KANK1: variants seen among roughly 807,000 people sequenced by gnomAD.
The protein encoded by KANK1 is KN motif and ankyrin repeat domains 1.
KANK1 carries 109 observed loss-of-function variants against 106.2 expected under a neutral mutation model. The observed-to-expected ratio is 1.03, with a 90% CI of 0.88 to 1.20. The LOEUF is 1.20. Ranked by LOEUF, KANK1 falls within the 50% of genes most tolerant of loss-of-function variation. KANK1 has a pLI of 0.00. For missense variants in KANK1, 2,399 were observed against 1,710.7 expected, an observed-to-expected ratio of 1.40 and a Z score of -7.10; for synonymous variants, 873 against 652.2, an observed-to-expected ratio of 1.34 and a Z score of -5.16.
chr9:582,440 C>G (rs765354819), intron 1 of KANK1, among the ~76,000 whole-genome samples: 1 of 152,076 alleles, frequency 6.6e-6, no homozygotes, highest in Non-Finnish European at 1.5e-5. Flanking sequence ...AATGGGTAGT[C>G]TAGTTCTGTT....
chr9:482,749 A>G (rs573742741), intron 3 of KANK1, among the ~76,000 whole-genome samples: 1 of 152,248 alleles, frequency 6.6e-6, no homozygotes. Context: ...TCTGCCAAAC[A>G]ATACACGCAT....
chr9:522,044 A>C (rs1009540616), intron 1 of KANK1, among the ~76,000 whole-genome samples: 6 of 151,642 alleles, frequency 4.0e-5, no homozygotes, highest in Non-Finnish European at 8.8e-5. Flanking sequence ...GTATTAGAAA[A>C]TGTTGGCACA....
At chr9:718,518 C>G (rs1376883341) in intron 3 of KANK1, among the ~76,000 whole-genome samples, 1 of 151,962 alleles carries the variant, frequency 6.6e-6, no homozygotes, top group Non-Finnish European at 1.5e-5. Context: ...CCATGTTGCC[C>G]AGGCTGGTCT....
chr9:536,529 G>A lies in KANK1; in HGVS notation c.-84+31775G>A, dbSNP rs151237522. Among the ~76,000 whole-genome samples the A allele has an allele frequency of 9.5e-4, 145 of 152,178 alleles. 3 individuals are homozygous for A. Among genetic ancestry groups the A allele is most frequent in the African/African-American group, 3.3e-3 (137 of 41,508 alleles). On this transcript the variant is annotated intron_variant, in intron 1 of 11. Coordinates refer to ENST00000382297, the MANE Select transcript of KANK1 (RefSeq NM_015158.5). ...GCCTGTATTCCTTGGCTTGTGACCC[G>A]TTTCTTCATCTTCAAAGCCACCACT...
chr9:708,752 G>GTT (rs771124525), intron 2 of KANK1, among the ~76,000 whole-genome samples: 9 of 152,108 alleles, frequency 5.9e-5, no homozygotes, highest in Non-Finnish European at 8.8e-5. Flanking sequence ...AGTCAAGTGG[G>GTT]TTTGTATACT....
At chr9:674,828 C>T (rs182442779) in intron 1 of KANK1, among the ~76,000 whole-genome samples, 2 of 151,958 alleles carry the variant, frequency 1.3e-5, no homozygotes, top group East Asian at 1.9e-4. Context: ...CTCAGCCTCC[C>T]GAGTAGCTGG....
intron 2 of KANK1, 125 bp from the exon 3 acceptor site, chr9:710,679 T>C: frequency 1.4e-6 from 1 of 714,508 alleles, no homozygotes; most frequent in Non-Finnish European, 2.1e-6. Context: ...AGATCCAGGT[T>C]CAAAACATAG....
Position 660,032 on chromosome 9 carries a change from C to A in KANK1, c.-83-16858C>A, listed in dbSNP as rs188666751. The A allele has an allele frequency of 2.7e-5, 9 of 334,306 alleles. No homozygotes were observed. In the East Asian group the frequency reaches 6.4e-4, roughly 24 times the overall value. The allele number at this position is 334,306 out of a possible 1,614,324, so 20.7% of individuals were successfully genotyped here. A position where few individuals can be genotyped will look rare whatever the true frequency, so the allele number is the denominator to read the frequency against. ...CACTCTTTCCACCCCTTTGCTGATA[C>A]AAGTAAGGGTGATACCTGTCCTGCT... is the stretch of plus-strand genomic sequence containing the variant. On this transcript the variant is annotated intron_variant, in intron 1 of 11. Transcript: ENST00000382297.
At chr9:580,062 C>T (rs749190580) in intron 1 of KANK1, among the ~76,000 whole-genome samples, 1 of 152,092 alleles carries the variant, frequency 6.6e-6, no homozygotes, top group African/African-American at 2.4e-5. Context: ...ATGGTGTGTC[C>T]GAAGTTTGTT....
chr9:669,443 A>C (rs569689231), intron 1 of KANK1, among the ~76,000 whole-genome samples: 3 of 152,184 alleles, frequency 2.0e-5, no homozygotes, highest in Non-Finnish European at 2.9e-5. Context: ...GAAAAAGACT[A>C]TCTCTCCTTC....
At chr9:532,634 C>G (rs936617514) in intron 1 of KANK1, among the ~76,000 whole-genome samples, 1 of 152,040 alleles carries the variant, frequency 6.6e-6, no homozygotes, top group African/African-American at 2.4e-5. Flanking sequence ...CTTAACATTC[C>G]TTATATGAAA....
intron 1 of KANK1, among the ~76,000 whole-genome samples, chr9:530,618 T>G (rs1045117308): frequency 2.0e-5 from 3 of 152,184 alleles, no homozygotes; most frequent in Admixed American, 1.3e-4. Context: ...AAGAATATGT[T>G]TGTATTAGGG....
intron 1 of KANK1, among the ~76,000 whole-genome samples, chr9:635,026 A>T (rs932016457): frequency 3.3e-5 from 5 of 152,158 alleles, no homozygotes; most frequent in African/African-American, 1.2e-4. Context: ...AGAACATCTT[A>T]CATTTCACTG....
At chr9:562,139 G>A (rs374070887) in intron 1 of KANK1, among the ~76,000 whole-genome samples, 17 of 136,504 alleles carry the variant, frequency 1.2e-4, no homozygotes, top group East Asian at 6.6e-4. Context: ...TGCAAGCTCC[G>A]CTTCCCGGGT....
At chr9:634,248 A>G (rs1438766740) in intron 1 of KANK1, among the ~76,000 whole-genome samples, 1 of 152,126 alleles carries the variant, frequency 6.6e-6, no homozygotes, top group East Asian at 1.9e-4. Flanking sequence ...GACTTAGGGA[A>G]TGGGTGCTGC....
intron 1 of KANK1, among the ~76,000 whole-genome samples, chr9:670,974 T>C (rs1442682996): frequency 1.4e-5 from 2 of 147,414 alleles, no homozygotes; most frequent in African/African-American, 4.9e-5. Context: ...TTTTTTTTTT[T>C]TTTTACTTCT....
Position 712,648 on chromosome 9 carries a change from A to G in KANK1, c.1882A>G (p.Ile628Val), listed in dbSNP as rs114109003. 95 of 1,614,054 alleles carry G rather than the reference A, an allele frequency of 5.9e-5. No homozygotes were observed. Among genetic ancestry groups the G allele is most frequent in the African/African-American group, 9.3e-5 (7 of 74,928 alleles). Residue 628 changes from isoleucine to valine, a missense_variant, in exon 3 of 12, where the codon ATC (isoleucine) becomes GTC (valine). Physicochemically the swap from Ile to Val is conservative, Grantham distance 29 (BLOSUM62 3). Transcript: ENST00000382297. ...TNLNLKEVRS[I>V]GCGDCSVDVT... is the part of the protein sequence containing the mutation. ...CTTGAATCTCAAAGAAGTGCGGTCT[A>G]TCGGTTGTGGAGATTGTTCTGTTGA...
chr9:715,974 C>G (rs1410883697), intron 3 of KANK1, among the ~76,000 whole-genome samples: 3 of 152,106 alleles, frequency 2.0e-5, no homozygotes, highest in Non-Finnish European at 4.4e-5. Flanking sequence ...CCTGTGCACA[C>G]CATACCATAG....
At chr9:620,337 C>A (rs1000336990) in intron 1 of KANK1, among the ~76,000 whole-genome samples, 1 of 152,082 alleles carries the variant, frequency 6.6e-6, no homozygotes, top group African/African-American at 2.4e-5. Flanking sequence ...TAAATAAAAC[C>A]TGCTTTCTTG....
Sources: allele counts gnomAD v4.1 joint callset (sites outside exome capture counted in the v4.1 genomes callset), GRCh38; gene constraint gnomAD v4.1.1; transcripts MANE v1.5; gene names NCBI Gene and HGNC (gene_info 2026-07-23, HGNC 2026-07-21).